JAZF1: variants seen among roughly 807,000 people sequenced by gnomAD.
JAZF1 encodes the protein JAZF zinc finger 1, also known as juxtaposed with another zinc finger protein 1.
JAZF1 carries 8 observed loss-of-function variants against 26.4 expected under a neutral mutation model. The ratio of observed to expected loss-of-function variants is 0.30; its 90% CI spans 0.18 to 0.55. The LOEUF (loss-of-function observed/expected upper bound fraction) is 0.55, where lower values mean the gene tolerates loss of function less well. Ranked by LOEUF, JAZF1 falls within the 20% of genes least tolerant of loss-of-function variation. The pLI, the probability that JAZF1 is intolerant of heterozygous loss-of-function variation, is 0.94. For synonymous variants in JAZF1, 126 were observed against 122.3 expected, an observed-to-expected ratio of 1.03 and a Z score of -0.20; for missense variants, 199 against 322.0, an observed-to-expected ratio of 0.62 and a Z score of 2.92.
intron 1 of JAZF1, among the ~76,000 whole-genome samples, chr7:28,080,783 T>C (rs1583549686): frequency 1.3e-5 from 2 of 152,056 alleles, no homozygotes; most frequent in East Asian, 1.9e-4. Flanking sequence ...CCAATTACAA[T>C]AGTAAAGTCA....
chr7:28,085,628 G>A (rs1049439756), intron 1 of JAZF1, among the ~76,000 whole-genome samples: 1 of 152,172 alleles, frequency 6.6e-6, no homozygotes, highest in Admixed American at 6.5e-5. Context: ...CAATGGAAGT[G>A]TTGACATCAT....
At chr7:28,105,430 G>A (rs1276344545) in intron 1 of JAZF1, among the ~76,000 whole-genome samples, 2 of 152,166 alleles carry the variant, frequency 1.3e-5, no homozygotes, top group Non-Finnish European at 2.9e-5. Flanking sequence ...AACACATAAC[G>A]GTTTTCGAGT....
intron 1 of JAZF1, among the ~76,000 whole-genome samples, chr7:28,031,698 G>T (rs141028587): frequency 1.3e-5 from 2 of 152,112 alleles, no homozygotes; most frequent in African/African-American, 4.8e-5. Flanking sequence ...CATGGATACA[G>T]AGAGGGGAAC....
At chr7:27,910,333 C>A (rs1337447555) in intron 2 of JAZF1, among the ~76,000 whole-genome samples, 1 of 152,152 alleles carries the variant, frequency 6.6e-6, no homozygotes, top group Non-Finnish European at 1.5e-5. Flanking sequence ...GCAAAGCCTG[C>A]ACAAATTTAT....
At position 27,961,520 on chromosome 7, in the gene JAZF1, C is replaced by T. The variant is rs548932619; in HGVS notation, c.188+30389G>A. ...GGGAGAAGCTGGTTTCTATTTGTCACCACACATATGCCCAGGAACTCTGGT... is the reference window on the plus strand; with the variant it reads ...GGGAGAAGCTGGTTTCTATTTGTCATCACACATATGCCCAGGAACTCTGGT... On this transcript the variant is annotated intron_variant, in intron 2 of 4. Coordinates refer to ENST00000283928, the MANE Select transcript of JAZF1 (RefSeq NM_175061.4). Among the ~76,000 whole-genome samples, 423 of 152,294 alleles carry T rather than the reference C, an allele frequency of 2.8e-3. 3 individuals carry two copies. Among genetic ancestry groups the T allele is most frequent in the African/African-American group, 9.5e-3 (394 of 41,562 alleles).
At chr7:28,169,272 C>CT (rs752945566) in intron 1 of JAZF1, among the ~76,000 whole-genome samples, 2 of 152,186 alleles carry the variant, frequency 1.3e-5, no homozygotes, top group African/African-American at 2.4e-5. Context: ...GTGTGGGCCC[C>CT]TGAAAGTGCT....
chr7:27,919,055 T>C (rs1784486313), intron 2 of JAZF1, among the ~76,000 whole-genome samples: 1 of 152,240 alleles, frequency 6.6e-6, no homozygotes, highest in South Asian at 2.1e-4. Context: ...GTTAAGAGGC[T>C]GACTGAAGGT....
chr7:28,166,393 AGGACTATTATT>A, intron 1 of JAZF1, among the ~76,000 whole-genome samples: 1 of 152,224 alleles, frequency 6.6e-6, no homozygotes, highest in Non-Finnish European at 1.5e-5. Context: ...TAACATTTCA[AGGACTATTATT>A]AAAGAGATGC....
intron 2 of JAZF1, among the ~76,000 whole-genome samples, chr7:27,957,649 A>T (rs1216912004): frequency 6.6e-6 from 1 of 152,208 alleles, no homozygotes; most frequent in Admixed American, 6.5e-5. Context: ...TTAAGACACT[A>T]TCTTGCAAAT....
intron 1 of JAZF1, among the ~76,000 whole-genome samples, chr7:28,099,648 A>G (rs1784439854): frequency 6.6e-6 from 1 of 152,048 alleles, no homozygotes; most frequent in Non-Finnish European, 1.5e-5. Flanking sequence ...TGCTAATTTT[A>G]CATTTTTAAT....
At chr7:27,926,314 C>T (rs1329661030) in intron 2 of JAZF1, among the ~76,000 whole-genome samples, 1 of 152,162 alleles carries the variant, frequency 6.6e-6, no homozygotes, top group Non-Finnish European at 1.5e-5. Context: ...CAAATAGCAG[C>T]TAATCCTTGG....
intron 3 of JAZF1, among the ~76,000 whole-genome samples, chr7:27,887,180 G>C (rs1420566675): frequency 6.6e-6 from 1 of 152,008 alleles, no homozygotes; most frequent in African/African-American, 2.4e-5. Context: ...TGGGTACTAG[G>C]GTTAATACCT....
intron 3 of JAZF1, among the ~76,000 whole-genome samples, chr7:27,875,803 G>C (rs1370181664): frequency 6.6e-6 from 1 of 152,238 alleles, no homozygotes; most frequent in East Asian, 1.9e-4. Flanking sequence ...TAAGCACTCA[G>C]ATGTTTGTTC....
chr7:27,886,925 A>G (rs1418177129), intron 3 of JAZF1, among the ~76,000 whole-genome samples: 1 of 152,242 alleles, frequency 6.6e-6, no homozygotes, highest in Non-Finnish European at 1.5e-5. Flanking sequence ...CAGCCATAAA[A>G]AAGAATGAGA....
chr7:28,147,339 C>A lies in JAZF1; in HGVS notation c.115+33124G>T, dbSNP rs148527844. 7.0e-4 allele frequency among the ~76,000 whole-genome samples: 106 copies of A among 152,226 alleles called. 4 individuals carry two copies. The East Asian group carries it at 0.018, about 26-fold the overall frequency. ...TCCAATCTGGGATGCTCAACCTGCA[C>A]TATTTTCTCTTTTTATATAAAAAAA... On this transcript the variant is annotated intron_variant, in intron 1 of 4. Coordinates refer to ENST00000283928, the MANE Select transcript of JAZF1 (RefSeq NM_175061.4).
intron 2 of JAZF1, among the ~76,000 whole-genome samples, chr7:27,984,522 C>T (rs2128363114): frequency 6.6e-6 from 1 of 152,278 alleles, no homozygotes; most frequent in Non-Finnish European, 1.5e-5. Context: ...TAACACCCCA[C>T]TGTCACCATT....
rs939609857 is a variant in JAZF1 at position 27,831,957 on chromosome 7, G to GTCTT, written c.*839_*842dup. ...ACACTTTGCACTGAAGTATTTCAAAGTCTTTTCTAACAGATTTCAGGGAAA... is the reference window on the plus strand; with the variant it reads ...ACACTTTGCACTGAAGTATTTCAAAGTCTTTCTTTTCTAACAGATTTCAGGGAAA... On this transcript the variant is annotated 3_prime_UTR_variant, in exon 5 of 5. Coordinates refer to ENST00000283928, the MANE Select transcript of JAZF1 (RefSeq NM_175061.4). 4.5e-6 allele frequency: 1 copy of GTCTT among 220,106 alleles called. No homozygotes were observed. Among genetic ancestry groups the GTCTT allele is most frequent in the African/African-American group, 2.2e-5 (1 of 44,588 alleles). 13.6% of individuals were successfully genotyped at this position (220,106 alleles called of 1,614,324 possible). A position where few individuals can be genotyped will look rare whatever the true frequency, so the allele number is the denominator to read the frequency against.
chr7:28,134,037 T>A (rs1724858764), intron 1 of JAZF1, among the ~76,000 whole-genome samples: 1 of 152,200 alleles, frequency 6.6e-6, no homozygotes, highest in Non-Finnish European at 1.5e-5. Flanking sequence ...TCTTCCATAC[T>A]ACAACCCAAA....
At chr7:28,021,731 G>C (rs1002453072) in intron 1 of JAZF1, among the ~76,000 whole-genome samples, 1 of 152,162 alleles carries the variant, frequency 6.6e-6, no homozygotes, top group Admixed American at 6.5e-5. Flanking sequence ...CTCTTCACTT[G>C]GTTTCTTTTT....
Sources: gnomAD v4.1 joint callset for allele counts (sites outside exome capture counted in the v4.1 genomes callset) on GRCh38, gnomAD v4.1.1 for gene constraint, MANE v1.5 for transcripts, NCBI Gene and HGNC (gene_info 2026-07-23, HGNC 2026-07-21) for gene names.